Variants in TDRD6 observed in about 807,000 individuals in gnomAD.
TDRD6 encodes tudor domain-containing protein 6.
TDRD6 carries 186 observed loss-of-function variants against 157.5 expected under a neutral mutation model. The ratio of observed to expected loss-of-function variants is 1.18; its 90% CI spans 1.05 to 1.33. The LOEUF (loss-of-function observed/expected upper bound fraction) is 1.33, where lower values mean the gene tolerates loss of function less well. TDRD6 is among the 40% of genes most tolerant of loss of function. The pLI, the probability that TDRD6 is intolerant of heterozygous loss-of-function variation, is 0.00. For missense variants in TDRD6, 3,066 were observed against 2,508.0 expected, an observed-to-expected ratio of 1.22 and a Z score of -4.75; for synonymous variants, 1,075 against 945.2, an observed-to-expected ratio of 1.14 and a Z score of -2.52.
chr6:46,701,736 T>C, intron 3 of TDRD6, 122 bp from the exon 4 acceptor site: 1 of 820,194 alleles, frequency 1.2e-6, no homozygotes. Context: ...GTAATTAGAA[T>C]ACTCATCTGT....
At position 46,690,966 on chromosome 6, in the gene TDRD6, T is replaced by C; in HGVS notation, c.2838T>C (p.Ser946=). The C allele has an allele frequency of 6.2e-7, 1 of 1,614,146 alleles. No homozygotes were observed. Among genetic ancestry groups the C allele is most frequent in the Non-Finnish European group, 8.5e-7 (1 of 1,179,996 alleles). Residue 946 remains serine, a synonymous_variant, in exon 1 of 4, where the codon AGT becomes AGC. Coordinates refer to ENST00000316081, the MANE Select transcript of TDRD6 (RefSeq NM_001010870.3). The stretch of plus-strand genomic sequence containing the variant: ...TGGATTTGCTAACCCCCTTTCAGAG[T>C]GCATGCCATTTCTTGGTAGAAAAGA... The part of the protein sequence containing the change: ...NIVDLLTPFQ[S]ACHFLVEKRL...
chr6:46,680,433 T>A, the TDRD6 span, among the ~76,000 whole-genome samples: 1 of 152,206 alleles, frequency 6.6e-6, no homozygotes, highest in Admixed American at 6.5e-5. Context: ...AATAGAATTT[T>A]AAAAATGTCA....
rs1300985360 is a variant in TDRD6, at chr6:46,703,216, G to C, written c.*1329G>C. ...GAGACTGGGGTAAAGGTGTATCTCT[G>C]TGAAGCATTATCAGACTCTGAAGCC... On this transcript the variant is annotated 3_prime_UTR_variant, in exon 4 of 4. Transcript: ENST00000316081. 1 of 152,040 alleles carries C rather than the reference G, an allele frequency of 6.6e-6. No individual in the cohort carries two copies. The highest frequency in any genetic ancestry group is 1.5e-5 in the Non-Finnish European group (1 of 67,948). The allele number at this position is 152,040 out of a possible 1,614,324, so 9.4% of individuals were successfully genotyped here.
At chr6:46,687,354 A>C (rs1415940982), upstream of TDRD6, among the ~76,000 whole-genome samples, 3 of 152,206 alleles carry the variant, frequency 2.0e-5, no homozygotes. Context: ...GGAAATATGT[A>C]CCAGTTGCTA....
rs1158720335 is a variant in TDRD6, at chr6:46,688,317, C to G, written c.189C>G (p.Gly63=). ...AAATRGQWAL[G]SASASPGELC... Reference sequence around the variant, plus strand: ...CCACGCGCGGCCAGTGGGCGCTGGGCAGCGCCTCGGCCTCGCCCGGCGAGC... The same window carrying G: ...CCACGCGCGGCCAGTGGGCGCTGGGGAGCGCCTCGGCCTCGCCCGGCGAGC... The change falls in exon 1 of 4, where the codon GGC becomes GGG. Residue 63 remains glycine (G), a synonymous_variant. Coordinates refer to ENST00000316081, the MANE Select transcript of TDRD6 (RefSeq NM_001010870.3). 2 of 1,519,016 alleles carry G rather than the reference C, an allele frequency of 1.3e-6. No individual in the cohort carries two copies. Among genetic ancestry groups the G allele is most frequent in the Middle Eastern group, 1.8e-4 (1 of 5,610 alleles). The allele number at this position is 1,519,016 out of a possible 1,614,324, so 94.1% of individuals were successfully genotyped here.
Position 46,693,226 on chromosome 6 carries a change from A to G in TDRD6, c.5098A>G (p.Lys1700Glu), listed in dbSNP as rs139377995. 148 of 1,613,254 alleles carry G rather than the reference A, an allele frequency of 9.2e-5. 1 individual carries two copies. Among genetic ancestry groups the G allele is most frequent in the Middle Eastern group, 1.7e-4 (1 of 6,050 alleles). Reference protein sequence around the residue: ...SINEKMEKYSKTGIKSALPYE... With the variant: ...SINEKMEKYSETGIKSALPYE... ...TAATGAGAAAATGGAGAAATATTCT[A>G]AGACTGGTATTAAAAGTGCTCTTCC... Residue 1700 changes from lysine to glutamate, a missense_variant, in exon 1 of 4, where the codon AAG becomes GAG. Coordinates refer to ENST00000316081, the MANE Select transcript of TDRD6 (RefSeq NM_001010870.3).
At position 46,702,420 on chromosome 6, in the gene TDRD6, A is replaced by G. The variant is rs1283679583; in HGVS notation, c.*533A>G. ...TAAAGTTTATCCTTAAATAAAGTTT[A>G]TCCTTAATATGATGGTCTCATTTTA... On this transcript the variant is annotated 3_prime_UTR_variant, in exon 4 of 4. Coordinates refer to ENST00000316081, the MANE Select transcript of TDRD6 (RefSeq NM_001010870.3). 6.6e-6 allele frequency: 1 copy of G among 152,186 alleles called. No individual in the cohort carries two copies. Among genetic ancestry groups the G allele is most frequent in the Non-Finnish European group, 1.5e-5 (1 of 68,024 alleles). 9.4% of individuals were successfully genotyped at this position (152,186 alleles called of 1,614,324 possible).
Position 46,692,915 on chromosome 6 carries a change from AT to A in TDRD6, c.4788del (p.Val1598TyrfsTer60), listed in dbSNP as rs1326120167. The A allele has an allele frequency of 6.2e-7, 1 of 1,614,036 alleles. No homozygotes were observed. Among genetic ancestry groups the A allele is most frequent in the African/African-American group, 1.3e-5 (1 of 74,926 alleles). The part of the protein sequence containing the change: ...RALITNICED[Y>X]LVSVRLVDFG... ...CTTATCACTAATATTTGTGAAGATTATCTTGTATCTGTCAGGCTTGTGGACT... is the reference window on the plus strand; with the variant it reads ...CTTATCACTAATATTTGTGAAGATTACTTGTATCTGTCAGGCTTGTGGACT... On this transcript the variant is annotated frameshift_variant, in exon 1 of 4. Coordinates refer to ENST00000316081, the MANE Select transcript of TDRD6 (RefSeq NM_001010870.3). LOFTEE classifies it high-confidence loss of function.
rs1281340853 is a variant in TDRD6, at chr6:46,691,053, C to A, written c.2925C>A (p.Tyr975Ter). The A allele has an allele frequency of 6.2e-7, 1 of 1,613,814 alleles. No individual in the cohort carries two copies. Among genetic ancestry groups the A allele is most frequent in the Non-Finnish European group, 8.5e-7 (1 of 1,179,872 alleles). The stretch of plus-strand genomic sequence containing the variant: ...AGTCCTCTGTTCAGCTACATTCCTA[C>A]TTCTATTCTACACATGATATGAAAA... Reference protein sequence around the residue: ...PLESSVQLHSYFYSTHDMKIG... With the variant: ...PLESSVQLHS The change falls in exon 1 of 4, where the codon TAC becomes TAA. Residue 975 changes from tyrosine to a stop codon, truncating the protein, a stop_gained. Coordinates refer to ENST00000316081, the MANE Select transcript of TDRD6 (RefSeq NM_001010870.3). LOFTEE classifies it high-confidence loss of function.
the TDRD6 span, among the ~76,000 whole-genome samples, chr6:46,680,778 A>G: frequency 6.6e-6 from 1 of 152,182 alleles, no homozygotes; most frequent in African/African-American, 2.4e-5. Context: ...ATTTCCCTGG[A>G]GATGCACTAT....
In TDRD6 at chr6:46,691,127, C is replaced by T; in HGVS notation, c.2999C>T (p.Thr1000Ile). Residue 1000 changes from threonine to isoleucine, a missense_variant, in exon 1 of 4, where the codon ACA (threonine) becomes ATA (isoleucine). By Grantham distance (89) the Thr-to-Ile change is moderately conservative (BLOSUM62 -1). Transcript: ENST00000316081. ...ATAACGCATATTGATGACCCTTGGA[C>T]ATTTTATTGCCAGCTGGCAAGAAAT... ...VYITHIDDPW[T>I]FYCQLARNAN... is the part of the protein sequence containing the mutation. 1 of 1,613,864 alleles carries T rather than the reference C, an allele frequency of 6.2e-7. No individual in the cohort carries two copies. Among genetic ancestry groups the T allele is most frequent in the Non-Finnish European group, 8.5e-7 (1 of 1,179,926 alleles).
At position 46,688,150 on chromosome 6, in the gene TDRD6, C is replaced by T. The variant is rs201003793; in HGVS notation, c.22C>T (p.Pro8Ser). Residue 8 changes from proline to serine, a missense_variant, in exon 1 of 4, where the codon CCG becomes TCG. Transcript: ENST00000316081. MCSTPGM[P>S]APGASLALRV... ...CAAGATGTGCTCGACGCCCGGAATG[C>T]CGGCGCCGGGGGCCTCGCTGGCCCT... The T allele has an allele frequency of 3.2e-6, 5 of 1,542,560 alleles. No homozygotes were observed. Among genetic ancestry groups the T allele is most frequent in the Middle Eastern group, 2.3e-4 (1 of 4,408 alleles).
intron 3 of TDRD6, 65 bp from the exon 4 acceptor site, chr6:46,701,793 T>C (rs1387816428): frequency 3.2e-6 from 5 of 1,557,278 alleles, no homozygotes; most frequent in Admixed American, 1.7e-5. Flanking sequence ...GTAACACCCA[T>C]GGAAATAAAT....
At position 46,690,450 on chromosome 6, in the gene TDRD6, A is replaced by G; in HGVS notation, c.2322A>G (p.Val774=). Residue 774 remains valine (V), a synonymous_variant, in exon 1 of 4, where the codon GTA becomes GTG. Coordinates refer to ENST00000316081, the MANE Select transcript of TDRD6 (RefSeq NM_001010870.3). ...SKGELEVGST[V]EVRVSYVENP... Reference sequence around the variant, plus strand: ...GAGAGCTGGAAGTTGGAAGTACAGTAGAAGTCAGAGTGTCTTATGTTGAAA... The same window carrying G: ...GAGAGCTGGAAGTTGGAAGTACAGTGGAAGTCAGAGTGTCTTATGTTGAAA... The G allele has an allele frequency of 3.1e-6, 5 of 1,614,180 alleles. No individual in the cohort carries two copies. Among genetic ancestry groups the G allele is most frequent in the South Asian group, 1.1e-5 (1 of 91,086 alleles).
Position 46,691,656 on chromosome 6 carries a change from A to C in TDRD6, c.3528A>C (p.Thr1176=). The C allele has an allele frequency of 6.2e-7, 1 of 1,612,974 alleles. No individual in the cohort carries two copies. Among genetic ancestry groups the C allele is most frequent in the Non-Finnish European group, 8.5e-7 (1 of 1,179,622 alleles). The change falls in exon 1 of 4, where the codon ACA becomes ACC. Residue 1176 remains threonine, a synonymous_variant. Transcript: ENST00000316081. ...RKKESEVLCS[T]TETLEEKNEN... ...AAGAAAGTGAAGTCCTCTGTTCTAC[A>C]ACTGAAACTCTTGAAGAAAAAAATG...
At position 46,704,282 on chromosome 6, in the gene TDRD6, G is replaced by T. The variant is rs978064120; in HGVS notation, c.*2395G>T. On this transcript the variant is annotated 3_prime_UTR_variant, in exon 4 of 4. Transcript: ENST00000316081. ...CAGTTTTTAACTTCGACACTGAAAA[G>T]GAATCATCTTTAAAATTAAAATTTA... 5 of 331,872 alleles carry T rather than the reference G, an allele frequency of 1.5e-5. No homozygotes were observed. The highest frequency in any genetic ancestry group is 2.8e-5 in the Non-Finnish European group (5 of 178,138). 20.6% of individuals were successfully genotyped at this position (331,872 alleles called of 1,614,324 possible).
chr6:46,688,837 C>T lies in TDRD6; in HGVS notation c.709C>T (p.Pro237Ser). The change falls in exon 1 of 4, where the codon CCT becomes TCT. Residue 237 changes from proline (P) to serine (S), a missense_variant. By Grantham distance (74) the Pro-to-Ser change is moderately conservative. Transcript: ENST00000316081. ...LSRVPLKQKQ[P>S]GLDYFYPQLQ... Reference sequence around the variant, plus strand: ...GCGAGTCCCGCTCAAGCAAAAGCAGCCTGGTCTGGATTACTTCTATCCCCA... The same window carrying T: ...GCGAGTCCCGCTCAAGCAAAAGCAGTCTGGTCTGGATTACTTCTATCCCCA... The T allele has an allele frequency of 1.2e-6, 2 of 1,612,706 alleles. No homozygotes were observed. Among genetic ancestry groups the T allele is most frequent in the African/African-American group, 1.3e-5 (1 of 75,064 alleles).
chr6:46,692,291 TA>T lies in TDRD6; in HGVS notation c.4164del (p.Ile1388MetfsTer14). On this transcript the variant is annotated frameshift_variant, in exon 1 of 4. Transcript: ENST00000316081. LOFTEE classifies it high-confidence loss of function. ...QPNDLLSVQFIDYGNVSVVHT... is the reference protein window; with the variant it reads ...QPNDLLSVQFXDYGNVSVVHT... ...AATGACCTTCTCTCTGTGCAGTTTA[TA>T]GATTATGGCAATGTTTCTGTGGTTC... The T allele has an allele frequency of 6.2e-7, 1 of 1,614,152 alleles. No homozygotes were observed. Among genetic ancestry groups the T allele is most frequent in the Non-Finnish European group, 8.5e-7 (1 of 1,180,014 alleles).
chr6:46,685,344 T>G (rs146977778), upstream of TDRD6, among the ~76,000 whole-genome samples: 2 of 152,354 alleles, frequency 1.3e-5, no homozygotes, highest in Admixed American at 1.3e-4. Context: ...ATTAGTAGTA[T>G]AGAAACTATA....
Sources: allele counts gnomAD v4.1 joint callset (sites outside exome capture counted in the v4.1 genomes callset), GRCh38; gene constraint gnomAD v4.1.1; transcripts MANE v1.5; gene names NCBI Gene and HGNC (gene_info 2026-07-23, HGNC 2026-07-21).